The following PCSK5 variants were observed in gnomAD, a reference collection of about 807,000 sequenced individuals.
PCSK5 encodes the protein prohormone convertase 5.
PCSK5 carries 129 observed loss-of-function variants against 233.2 expected under a neutral mutation model. The ratio of observed to expected loss-of-function variants is 0.55; its 90% confidence interval spans 0.48 to 0.64. The LOEUF (loss-of-function observed/expected upper bound fraction) is 0.64, where lower values mean the gene tolerates loss of function less well. Ranked by LOEUF, PCSK5 falls within the 30% of genes least tolerant of loss-of-function variation. PCSK5 has a pLI of 0.00. For missense variants in PCSK5, 2,076 were observed against 2,430.1 expected, an observed-to-expected ratio of 0.85 and a Z score of 3.06; for synonymous variants, 825 against 879.2, an observed-to-expected ratio of 0.94 and a Z score of 1.09.
intron 20 of PCSK5, among the ~76,000 whole-genome samples, chr9:76,224,604 G>A (rs1338227994): frequency 6.6e-6 from 1 of 152,166 alleles, no homozygotes; most frequent in African/African-American, 2.4e-5. Flanking sequence ...AGTCACCTAG[G>A]ATGATGTAGA....
At chr9:76,337,321 CT>C (rs1829705264) in intron 34 of PCSK5, among the ~76,000 whole-genome samples, 1 of 150,792 alleles carries the variant, frequency 6.6e-6, no homozygotes, top group African/African-American at 2.4e-5. Flanking sequence ...CATCTGGCTA[CT>C]TTTGTTTGTT....
chr9:76,279,400 T>G (rs1296953127), intron 24 of PCSK5, among the ~76,000 whole-genome samples: 3 of 150,810 alleles, frequency 2.0e-5, no homozygotes, highest in Non-Finnish European at 4.4e-5. Context: ...TACAGCAGCA[T>G]GATTTATAGT....
intron 24 of PCSK5, among the ~76,000 whole-genome samples, chr9:76,243,654 T>A (rs769243668): frequency 2.6e-5 from 4 of 152,192 alleles, no homozygotes; most frequent in Non-Finnish European, 5.9e-5. Flanking sequence ...TAGAGGTGAC[T>A]AGTGTAATAT....
chr9:75,998,614 G>A (rs1356003913), intron 3 of PCSK5, among the ~76,000 whole-genome samples: 2 of 152,130 alleles, frequency 1.3e-5, no homozygotes, highest in Non-Finnish European at 2.9e-5. Flanking sequence ...ACGTCACTTG[G>A]TCTAAATTCC....
intron 5 of PCSK5, among the ~76,000 whole-genome samples, chr9:76,046,160 G>GTTTTTTTCTTTTTT (rs1829368313): frequency 3.4e-5 from 2 of 58,024 alleles, no homozygotes; most frequent in African/African-American, 6.8e-5. Flanking sequence ...TTTTTCTTTT[G>GTTTTTTTCTTTTTT]TTTTTTTTTT....
chr9:76,050,998 G>C lies in PCSK5; in HGVS notation c.633-16957G>C, dbSNP rs190633329. 1.4e-3 allele frequency among the ~76,000 whole-genome samples: 208 copies of C among 152,252 alleles called. 1 individual carries two copies. Among genetic ancestry groups the C allele is most frequent in the African/African-American group, 4.8e-3 (199 of 41,546 alleles). ...CCTTAAAAGCCCCATGCTCATAAGA[G>C]CAATATTTTTTGCAACAGCCTATGA... On this transcript the variant is annotated intron_variant, in intron 5 of 37. Transcript: ENST00000674117.
chr9:76,125,627 A>G (rs955733160), intron 9 of PCSK5, among the ~76,000 whole-genome samples: 2 of 152,202 alleles, frequency 1.3e-5, no homozygotes, highest in Non-Finnish European at 1.5e-5. Context: ...CCTTCAATAC[A>G]TGCCATCTAC....
chr9:76,284,229 T>G (rs1333816983), intron 24 of PCSK5, among the ~76,000 whole-genome samples: 2 of 152,176 alleles, frequency 1.3e-5, no homozygotes, highest in Non-Finnish European at 2.9e-5. Context: ...ATTGATATGG[T>G]TTGGCTGTGT....
intron 3 of PCSK5, among the ~76,000 whole-genome samples, chr9:76,011,594 A>G (rs1033136961): frequency 6.6e-6 from 1 of 152,232 alleles, no homozygotes; most frequent in Non-Finnish European, 1.5e-5. Context: ...GCTATATCAT[A>G]GCAATAGCAA....
At chr9:76,169,466 C>T (rs1394143816) in intron 12 of PCSK5, among the ~76,000 whole-genome samples, 1 of 151,850 alleles carries the variant, frequency 6.6e-6, no homozygotes, top group African/African-American at 2.4e-5. Context: ...AGTGGGTTCT[C>T]CCTTCCAGAT....
intron 9 of PCSK5, among the ~76,000 whole-genome samples, chr9:76,120,117 G>T (rs1832576654): frequency 6.6e-6 from 1 of 152,048 alleles, no homozygotes; most frequent in East Asian, 1.9e-4. Context: ...TTGTTGTCCA[G>T]TATGAGGATG....
chr9:76,181,117 C>A (rs891734963), intron 15 of PCSK5, among the ~76,000 whole-genome samples: 1 of 152,204 alleles, frequency 6.6e-6, no homozygotes, highest in Non-Finnish European at 1.5e-5. Flanking sequence ...CCATAACCTT[C>A]CTCTCTGTAA....
At chr9:76,232,358 C>G (rs189454459) in intron 21 of PCSK5, among the ~76,000 whole-genome samples, 1 of 152,196 alleles carries the variant, frequency 6.6e-6, no homozygotes, top group African/African-American at 2.4e-5. Context: ...GTGAACCTCA[C>G]AATTGATACA....
At position 76,323,262 on chromosome 9, in the gene PCSK5, A is replaced by G; in HGVS notation, c.4313A>G (p.Tyr1438Cys). 1 of 1,610,612 alleles carries G rather than the reference A, an allele frequency of 6.2e-7. No homozygotes were observed. Among genetic ancestry groups the G allele is most frequent in the Non-Finnish European group, 8.5e-7 (1 of 1,177,858 alleles). ...GAGGAGTGTCCAGCAGGAACCTATT[A>G]TGAAAAGGAGACTAAGGAGTGCAGA... ...CLEECPAGTY[Y>C]EKETKECRDC... The change falls in exon 32 of 38, where the codon TAT (tyrosine) becomes TGT (cysteine). Residue 1438 changes from tyrosine to cysteine, a missense_variant. Physicochemically the swap from Tyr to Cys is radical, Grantham distance 194. This residue lies in a region of PCSK5 where 1,510 missense variants were observed against 1,538.1 expected (regional missense o/e 0.98). Coordinates refer to ENST00000674117, the MANE Select transcript of PCSK5 (RefSeq NM_001372043.1).
chr9:76,004,748 AC>A lies in PCSK5; in HGVS notation c.411+18505del, dbSNP rs542478883. ...TTGGCCCTAGTTTGATGAGTGGGAG[AC>A]CTTTCAAGTTGACTCCTGTGTCCTT... On this transcript the variant is annotated intron_variant, in intron 3 of 37. Transcript: ENST00000674117. 4.9e-3 allele frequency among the ~76,000 whole-genome samples: 741 copies of A among 151,986 alleles called. 4 individuals carry two copies. Among genetic ancestry groups the A allele is most frequent in the Non-Finnish European group, 7.4e-3 (504 of 67,970 alleles).
At chr9:75,903,288 T>C (rs1043521755) in intron 1 of PCSK5, among the ~76,000 whole-genome samples, 1 of 152,110 alleles carries the variant, frequency 6.6e-6, no homozygotes, top group Non-Finnish European at 1.5e-5. Flanking sequence ...CTCTATATAA[T>C]AGATTAATCT....
Position 76,071,735 on chromosome 9 carries a change from T to C in PCSK5, c.731T>C (p.Met244Thr). Residue 244 changes from methionine to threonine, a missense_variant, in exon 7 of 38, where the codon ATG (methionine) becomes ACG (threonine). Met to Thr is a moderately conservative substitution (Grantham distance 81). Transcript: ENST00000674117. The part of the protein sequence containing the change: ...AFNAKIGGVR[M>T]LDGDVTDMVE... ...CCTTTCTGTGTTGAAGGAGTGCGAA[T>C]GCTGGACGGAGATGTCACGGACATG... 1 of 1,612,384 alleles carries C rather than the reference T, an allele frequency of 6.2e-7. No homozygotes were observed. The highest frequency in any genetic ancestry group is 8.5e-7 in the Non-Finnish European group (1 of 1,179,256).
chr9:76,321,285 T>C (rs1413289257), intron 30 of PCSK5, 137 bp from the exon 31 acceptor site: 6 of 600,904 alleles, frequency 1.0e-5, no homozygotes, highest in South Asian at 4.0e-5. Flanking sequence ...TTTCACTTCC[T>C]TATAAATCCC....
intron 22 of PCSK5, among the ~76,000 whole-genome samples, chr9:76,237,920 A>G (rs527729395): frequency 6.6e-6 from 1 of 152,330 alleles, no homozygotes; most frequent in Non-Finnish European, 1.5e-5. Context: ...ACTGACTCTC[A>G]GTTTCTGCAC....
Sources: allele counts gnomAD v4.1 joint callset (sites outside exome capture counted in the v4.1 genomes callset), GRCh38; gene constraint gnomAD v4.1.1; regional missense constraint gnomAD v4.1.1; transcripts MANE v1.5; gene names NCBI Gene and HGNC (gene_info 2026-07-23, HGNC 2026-07-21).